NAA35: variants seen among roughly 807,000 people sequenced by gnomAD.
NAA35 encodes the protein N-alpha-acetyltransferase 35, NatC auxiliary subunit, also known as MAK10 homolog, amino-acid N-acetyltransferase subunit.
In NAA35, 18 loss-of-function variants were observed where a neutral mutation model predicts 101.7. The ratio of observed to expected loss-of-function variants is 0.18; its 90% confidence interval spans 0.12 to 0.26. The LOEUF (loss-of-function observed/expected upper bound fraction) is 0.26. Among genes scored for constraint, NAA35 ranks in the 10% least tolerant of loss-of-function variants. The pLI is 1.00. For missense variants in NAA35, 601 were observed against 886.8 expected, an observed-to-expected ratio of 0.68 and a Z score of 4.09; for synonymous variants, 267 against 273.1, an observed-to-expected ratio of 0.98 and a Z score of 0.22.
chr9:85,945,665 C>T (rs1828730210), intron 2 of NAA35, among the ~76,000 whole-genome samples: 1 of 151,998 alleles, frequency 6.6e-6, no homozygotes, highest in Admixed American at 6.6e-5. Flanking sequence ...ACTACAGGCG[C>T]CCGTCACCAC....
intron 6 of NAA35, among the ~76,000 whole-genome samples, chr9:85,970,099 T>C (rs11141165): frequency 0.091 from 13,914 of 152,238 alleles, 784 homozygotes; most frequent in Non-Finnish European, 0.13. Flanking sequence ...ATGCTTTTCT[T>C]CCCTGGTTTG....
intron 6 of NAA35, among the ~76,000 whole-genome samples, chr9:85,972,260 C>A (rs892883422): frequency 5.3e-5 from 8 of 151,912 alleles, no homozygotes; most frequent in Non-Finnish European, 1.5e-5. Flanking sequence ...AATCCCAGCA[C>A]TTTGGGAGGC....
At chr9:85,941,763 T>C (rs537479431) in intron 1 of NAA35, 73 of 990,448 alleles carry the variant, frequency 7.4e-5, no homozygotes, top group Admixed American at 6.0e-5. Flanking sequence ...TTGACTTCGG[T>C]AGCTGCCGCA....
chr9:85,955,791 C>T (rs746705224), intron 2 of NAA35, among the ~76,000 whole-genome samples: 2 of 152,142 alleles, frequency 1.3e-5, no homozygotes, highest in Non-Finnish European at 2.9e-5. Flanking sequence ...GTTTGGGATG[C>T]TGCTTGGACT....
intron 6 of NAA35, among the ~76,000 whole-genome samples, chr9:85,967,603 C>A (rs1480416917): frequency 2.0e-5 from 3 of 152,008 alleles, no homozygotes; most frequent in Non-Finnish European, 4.4e-5. Context: ...GAGATCGAGA[C>A]CATCCTGGCT....
chr9:85,951,293 A>C (rs191931464), intron 2 of NAA35, among the ~76,000 whole-genome samples: 6 of 152,230 alleles, frequency 3.9e-5, no homozygotes, highest in African/African-American at 1.4e-4. Flanking sequence ...ACAGAGGGCA[A>C]TTGAATTCTC....
At chr9:85,955,555 G>A (rs1432169134) in intron 2 of NAA35, among the ~76,000 whole-genome samples, 1 of 151,290 alleles carries the variant, frequency 6.6e-6, no homozygotes, top group Non-Finnish European at 1.5e-5. Context: ...AGTAGAGATG[G>A]GGTTTCACTG....
At chr9:85,978,415 C>G (rs759567937) in intron 11 of NAA35, 34 bp downstream of exon 11, 1 of 1,394,160 alleles carries the variant, frequency 7.2e-7, no homozygotes, top group Admixed American at 1.7e-5. Context: ...TCTTTCTTTT[C>G]TTCGTTTCTA....
intron 12 of NAA35, among the ~76,000 whole-genome samples, chr9:85,999,241 C>T (rs72746672): frequency 0.044 from 6,690 of 152,218 alleles, 200 homozygotes; most frequent in Middle Eastern, 0.095. Flanking sequence ...AATTAGATGA[C>T]TATAGTAGCA....
At chr9:85,995,996 T>G (rs546682222) in intron 11 of NAA35, among the ~76,000 whole-genome samples, 2 of 152,320 alleles carry the variant, frequency 1.3e-5, no homozygotes, top group South Asian at 2.1e-4. Context: ...GTTTAGTAAT[T>G]GAGGGGAAGA....
intron 19 of NAA35, 30 bp from the exon 20 acceptor site, chr9:86,018,225 A>G: frequency 6.3e-7 from 1 of 1,591,456 alleles, no homozygotes. Flanking sequence ...TATTGATTTC[A>G]TCTTTTTTCT....
At chr9:85,976,971 G>T (rs747400726) in intron 9 of NAA35, among the ~76,000 whole-genome samples, 1 of 152,076 alleles carries the variant, frequency 6.6e-6, no homozygotes, top group Non-Finnish European at 1.5e-5. Context: ...AGAAAAATAC[G>T]ATCTTTCACA....
In NAA35 at chr9:85,969,438, T is replaced by C. The variant is rs142436550; in HGVS notation, c.517-5529T>C. On this transcript the variant is annotated intron_variant, in intron 6 of 22. Coordinates refer to ENST00000361671, the MANE Select transcript of NAA35 (RefSeq NM_024635.4). ...GTATTCCTAAGGGTGATAACTTCTG[T>C]TTGTGCATTGATCCCATGCTCTATC... 2.9e-3 allele frequency among the ~76,000 whole-genome samples: 436 copies of C among 152,306 alleles called. 5 individuals carry two copies. The South Asian group carries it at 0.033, about 12-fold the overall frequency.
chr9:85,942,748 C>T (rs1828579780), intron 2 of NAA35, among the ~76,000 whole-genome samples: 1 of 152,192 alleles, frequency 6.6e-6, no homozygotes, highest in South Asian at 2.1e-4. Context: ...GCCACTGTCC[C>T]CGCCAGGCTT....
At chr9:86,001,581 G>C (rs1307311991) in intron 12 of NAA35, among the ~76,000 whole-genome samples, 4 of 152,100 alleles carry the variant, frequency 2.6e-5, no homozygotes, top group Admixed American at 2.6e-4. Context: ...ATTTAGGATA[G>C]TTAGGTTTTC....
chr9:85,958,962 T>C (rs1457595712), intron 4 of NAA35, among the ~76,000 whole-genome samples: 2 of 152,258 alleles, frequency 1.3e-5, no homozygotes, highest in Non-Finnish European at 2.9e-5. Context: ...AATTCATTTA[T>C]ACTTGCCATA....
intron 11 of NAA35, 50 bp downstream of exon 11, chr9:85,978,431 A>G (rs747005384): frequency 1.6e-6 from 2 of 1,269,408 alleles, no homozygotes; most frequent in Non-Finnish European, 2.3e-6. Flanking sequence ...TTCTATCCAA[A>G]ATATTTAGTG....
rs61142742 is a variant in NAA35, at chr9:85,964,128, C to CTT, written c.516+1965_516+1966dup. 2.9e-3 allele frequency among the ~76,000 whole-genome samples: 355 copies of CTT among 123,936 alleles called. 1 individual carries two copies. Among genetic ancestry groups the CTT allele is most frequent in the African/African-American group, 9.3e-3 (338 of 36,226 alleles). The allele number at this position is 123,936 out of a possible 152,430, so 81.3% of individuals were successfully genotyped here. On this transcript the variant is annotated intron_variant, in intron 6 of 22. Coordinates refer to ENST00000361671, the MANE Select transcript of NAA35 (RefSeq NM_024635.4). Reference sequence around the variant, plus strand: ...CAGTCATTATTTCCCACTTCTTAGTCTTTTTTTTTTTTTTTTTTAGAACTT... The same window carrying CTT: ...CAGTCATTATTTCCCACTTCTTAGTCTTTTTTTTTTTTTTTTTTTTAGAACTT...
intron 2 of NAA35, among the ~76,000 whole-genome samples, chr9:85,952,958 C>A (rs940144821): frequency 6.6e-6 from 1 of 152,142 alleles, no homozygotes; most frequent in African/African-American, 2.4e-5. Flanking sequence ...TGCCCATGAT[C>A]CCAGCACTTT....
Sources: allele counts gnomAD v4.1 joint callset (sites outside exome capture counted in the v4.1 genomes callset), GRCh38; gene constraint gnomAD v4.1.1; transcripts MANE v1.5; gene names NCBI Gene and HGNC (gene_info 2026-07-23, HGNC 2026-07-21).